FHIP1A: variants seen among roughly 807,000 people sequenced by gnomAD.
FHIP1A encodes the protein FHF complex subunit HOOK interacting protein 1A, also known as FHF complex subunit HOOK-interacting protein 1A.
A neutral mutation model predicts 88.6 loss-of-function variants in FHIP1A; 61 were observed. That is an observed-to-expected ratio of 0.69 (90% CI 0.56 to 0.85). FHIP1A has a LOEUF of 0.85. FHIP1A is among the 40% of genes least tolerant of loss of function. The probability of loss-of-function intolerance (pLI) is 0.00; values close to 1 mark genes in which losing one functional copy is unlikely to be tolerated. For synonymous variants in FHIP1A, 478 were observed against 496.0 expected, an observed-to-expected ratio of 0.96 and a Z score of 0.48; for missense variants, 1,154 against 1,273.5, an observed-to-expected ratio of 0.91 and a Z score of 1.43.
intron 2 of FHIP1A, among the ~76,000 whole-genome samples, chr4:151,458,541 A>G (rs537058497): frequency 6.6e-6 from 1 of 152,080 alleles, no homozygotes; most frequent in Non-Finnish European, 1.5e-5. Context: ...TGCAGCATAT[A>G]GGAGGGGAAA....
At chr4:151,417,438 G>T (rs1324223345) in intron 1 of FHIP1A, among the ~76,000 whole-genome samples, 1 of 152,218 alleles carries the variant, frequency 6.6e-6, no homozygotes, top group African/African-American at 2.4e-5. Context: ...CTGAAGTGAA[G>T]TTACAAAATT....
At chr4:151,504,186 C>T (rs1400464509) in intron 3 of FHIP1A, among the ~76,000 whole-genome samples, 1 of 152,194 alleles carries the variant, frequency 6.6e-6, no homozygotes, top group Non-Finnish European at 1.5e-5. Flanking sequence ...AATAGCATCT[C>T]TCAGGGAAAA....
Position 151,468,876 on chromosome 4 carries a change from G to A in FHIP1A, c.-247-13648G>A, listed in dbSNP as rs72728109. 6.9e-3 allele frequency among the ~76,000 whole-genome samples: 1,046 copies of A among 152,252 alleles called. 4 individuals are homozygous for A. Among genetic ancestry groups the A allele is most frequent in the Non-Finnish European group, 0.011 (750 of 68,018 alleles). On this transcript the variant is annotated intron_variant, in intron 2 of 13. Coordinates refer to ENST00000435205, the MANE Select transcript of FHIP1A (RefSeq NM_001109977.3). ...TGTAATCATGATCATCTGATCTGGGGTACTTTGTTATCATTATGAACCTGT... is the reference window on the plus strand; with the variant it reads ...TGTAATCATGATCATCTGATCTGGGATACTTTGTTATCATTATGAACCTGT...
chr4:151,615,041 C>A (rs1735467222), intron 7 of FHIP1A, among the ~76,000 whole-genome samples: 1 of 152,122 alleles, frequency 6.6e-6, no homozygotes, highest in Admixed American at 6.5e-5. Context: ...TTTCTTCTGA[C>A]AAATGTAGCT....
intron 7 of FHIP1A, among the ~76,000 whole-genome samples, chr4:151,615,125 A>G (rs531611284): frequency 6.7e-4 from 102 of 152,326 alleles, no homozygotes; most frequent in African/African-American, 2.3e-3. Context: ...AACGCCATCA[A>G]TTGAACTCTT....
At chr4:151,611,069 CTGTGTGTGTGTATGTA>C (rs1231945070) in intron 7 of FHIP1A, among the ~76,000 whole-genome samples, 1 of 151,608 alleles carries the variant, frequency 6.6e-6, no homozygotes, top group African/African-American at 2.4e-5. Context: ...AGGTAGGAGC[CTGTGTGTGTGTATGTA>C]TGTGTGTGTG....
chr4:151,435,865 A>G (rs2126548996), intron 1 of FHIP1A, among the ~76,000 whole-genome samples: 1 of 152,064 alleles, frequency 6.6e-6, no homozygotes, highest in South Asian at 2.1e-4. Context: ...ATTTTTTGGA[A>G]TTTTGTTTTA....
chr4:151,487,785 G>T (rs922149355), intron 3 of FHIP1A, among the ~76,000 whole-genome samples: 8 of 152,204 alleles, frequency 5.3e-5, no homozygotes, highest in African/African-American at 1.9e-4. Context: ...TAGAGTTTAA[G>T]AAATTATCTC....
At chr4:151,490,363 C>T (rs1730239161) in intron 3 of FHIP1A, among the ~76,000 whole-genome samples, 1 of 152,188 alleles carries the variant, frequency 6.6e-6, no homozygotes, top group Non-Finnish European at 1.5e-5. Flanking sequence ...AGCACCAGCC[C>T]AGAGCCTGGT....
At chr4:151,542,241 G>T (rs559220003) in intron 3 of FHIP1A, among the ~76,000 whole-genome samples, 12 of 152,214 alleles carry the variant, frequency 7.9e-5, no homozygotes, top group African/African-American at 2.9e-4. Context: ...TCTTGGTTAG[G>T]TTTTTAAACA....
chr4:151,499,790 T>C (rs1730586288), intron 3 of FHIP1A, among the ~76,000 whole-genome samples: 2 of 152,250 alleles, frequency 1.3e-5, no homozygotes, highest in South Asian at 4.2e-4. Context: ...CAAAAGCCTT[T>C]TATAAAACCA....
At chr4:151,413,510 G>A (rs2724558) in intron 1 of FHIP1A, among the ~76,000 whole-genome samples, 78,999 of 151,848 alleles carry the variant, frequency 0.52, 20,841 homozygotes, top group African/African-American at 0.55. Flanking sequence ...GCTGGAGTGC[G>A]GTGGCACAAT....
At chr4:151,439,421 G>C (rs1463378386) in intron 1 of FHIP1A, among the ~76,000 whole-genome samples, 5 of 147,390 alleles carry the variant, frequency 3.4e-5, no homozygotes, top group African/African-American at 1.2e-4. Context: ...ATTTTAAAAA[G>C]TTTTTTTTTT....
chr4:151,577,466 A>T lies in FHIP1A; in HGVS notation c.122A>T (p.Glu41Val), dbSNP rs1173178301. The change falls in exon 5 of 14, where the codon GAG becomes GTG. Residue 41 changes from glutamate to valine, a missense_variant. Transcript: ENST00000435205. ...NHWAQVVKILEKHDPLKNTQA... is the reference protein window; with the variant it reads ...NHWAQVVKILVKHDPLKNTQA... ...TGGTTACAGGTTGTGAAAATCTTGG[A>T]GAAGCACGACCCCTTGAAGAACACC... The T allele has an allele frequency of 5.2e-6, 8 of 1,533,122 alleles. No homozygotes were observed. Among genetic ancestry groups the T allele is most frequent in the Admixed American group, 2.0e-5 (1 of 48,944 alleles). The allele number at this position is 1,533,122 out of a possible 1,614,324, so 95.0% of individuals were successfully genotyped here. A position where few individuals can be genotyped will look rare whatever the true frequency, so the allele number is the denominator to read the frequency against.
At chr4:151,547,388 C>G (rs1732545881) in intron 3 of FHIP1A, among the ~76,000 whole-genome samples, 1 of 152,162 alleles carries the variant, frequency 6.6e-6, no homozygotes, top group South Asian at 2.1e-4. Context: ...GTCTAATGTT[C>G]TTAGAACTTT....
At chr4:151,522,736 G>A (rs1731491383) in intron 3 of FHIP1A, among the ~76,000 whole-genome samples, 1 of 152,182 alleles carries the variant, frequency 6.6e-6, no homozygotes, top group Admixed American at 6.5e-5. Flanking sequence ...ATAACGTGTT[G>A]CTTGTATAAA....
intron 5 of FHIP1A, among the ~76,000 whole-genome samples, chr4:151,578,769 C>T (rs1395358470): frequency 2.6e-5 from 4 of 152,164 alleles, no homozygotes; most frequent in Non-Finnish European, 5.9e-5. Flanking sequence ...GTGTTGAAAA[C>T]TTATGTCCAC....
chr4:151,412,119 T>C (rs913592542), intron 1 of FHIP1A, among the ~76,000 whole-genome samples: 1 of 152,184 alleles, frequency 6.6e-6, no homozygotes, highest in East Asian at 1.9e-4. Context: ...AGGGACTTTT[T>C]TGAGACGGAG....
At position 151,646,729 on chromosome 4, in the gene FHIP1A, G is replaced by C; in HGVS notation, c.1398G>C (p.Lys466Asn). Residue 466 changes from lysine (K) to asparagine (N), a missense_variant, in exon 10 of 14, where the codon AAG becomes AAC. Coordinates refer to ENST00000435205, the MANE Select transcript of FHIP1A (RefSeq NM_001109977.3). ...AGAGGGATTATATTCTCTGGTCAAA[G>C]TGTATGCATGACACTTCAGGTAGGA... The part of the protein sequence containing the change: ...NQERDYILWS[K>N]CMHDTSGPVE... 3 of 1,550,428 alleles carry C rather than the reference G, an allele frequency of 1.9e-6. No individual in the cohort carries two copies. The highest frequency in any genetic ancestry group is 2.6e-6 in the Non-Finnish European group (3 of 1,146,436).
Sources: allele counts gnomAD v4.1 joint callset (sites outside exome capture counted in the v4.1 genomes callset), GRCh38; gene constraint gnomAD v4.1.1; transcripts MANE v1.5; gene names NCBI Gene and HGNC (gene_info 2026-07-23, HGNC 2026-07-21).